Variants in NVL observed in about 807,000 individuals in gnomAD.
NVL encodes nuclear valosin-containing protein-like.
NVL carries 84 observed loss-of-function variants against 110.2 expected under a neutral mutation model. The observed-to-expected ratio is 0.76, with a 90% confidence interval of 0.64 to 0.91. The LOEUF (loss-of-function observed/expected upper bound fraction) is 0.91. NVL is among the 40% of genes least tolerant of loss of function. The pLI, the probability that NVL is intolerant of heterozygous loss-of-function variation, is 0.00. For missense variants in NVL, 882 were observed against 1,035.9 expected (o/e 0.85, Z 2.04); for synonymous variants, 354 against 361.1 (o/e 0.98, Z 0.22).
At chr1:224,312,848 G>GA (rs971719963) in intron 4 of NVL, 35 of 113,506 alleles carry the variant, frequency 3.1e-4, no homozygotes, top group East Asian at 2.4e-3. Context: ...ATTTAAATAA[G>GA]AAAAAAAAAA....
intron 17 of NVL, among the ~76,000 whole-genome samples, chr1:224,270,709 AAGAC>A (rs1223220544): frequency 6.6e-6 from 1 of 152,218 alleles, no homozygotes; most frequent in Non-Finnish European, 1.5e-5. Flanking sequence ...AAAAAAGAAA[AAGAC>A]AGCAATAGCA....
chr1:224,269,663 CTG>C (rs1664853912), intron 17 of NVL: 1 of 152,030 alleles, frequency 6.6e-6, no homozygotes, highest in East Asian at 1.9e-4. Flanking sequence ...AAAAGTGGTG[CTG>C]TGTTTTTGGT....
chr1:224,265,243 GC>G (rs1478585495), intron 18 of NVL, among the ~76,000 whole-genome samples: 1 of 152,010 alleles, frequency 6.6e-6, no homozygotes, highest in African/African-American at 2.4e-5. Context: ...AGTGGCTCAT[GC>G]CTGTAATCCC....
chr1:224,325,674 G>A (rs749221485), intron 2 of NVL, among the ~76,000 whole-genome samples: 7 of 151,728 alleles, frequency 4.6e-5, no homozygotes, highest in African/African-American at 1.7e-4. Context: ...CGGAGGTTGC[G>A]GTGAGCTGAG....
rs530312449 is a variant in NVL, at chr1:224,295,865, C to T, written c.1180+636G>A. ...CCTGTAATCCCAGCTACTCAGGAGG[C>T]TGAGGAGGTGAATAGGTTGAACGCA... On this transcript the variant is annotated intron_variant, in intron 11 of 22. Transcript: ENST00000281701. Among the ~76,000 whole-genome samples the T allele has an allele frequency of 1.2e-4, 17 of 147,084 alleles. No individual in the cohort carries two copies. In the South Asian group the frequency reaches 3.7e-3, roughly 32 times the overall value.
At chr1:224,267,518 T>C (rs1664608620) in intron 18 of NVL, among the ~76,000 whole-genome samples, 1 of 151,656 alleles carries the variant, frequency 6.6e-6, no homozygotes, top group African/African-American at 2.4e-5. Context: ...CGAAACCCCA[T>C]CTCTACTAAA....
At chr1:224,296,761 G>C in intron 10 of NVL, 143 bp from the exon 11 acceptor site, 1 of 539,880 alleles carries the variant, frequency 1.9e-6, no homozygotes, top group Non-Finnish European at 3.2e-6. Flanking sequence ...CAGTTCACAT[G>C]TGTTACTTCT....
intron 8 of NVL, among the ~76,000 whole-genome samples, chr1:224,304,145 G>C (rs1038293997): frequency 3.9e-5 from 6 of 152,116 alleles, no homozygotes; most frequent in Non-Finnish European, 8.8e-5. Flanking sequence ...TTACCATTAC[G>C]GCCAGGCATG....
In NVL at chr1:224,322,376, G is replaced by T. The variant is rs544249978; in HGVS notation, c.131+4015C>A. ...TGAAATTACAGGTGTGAGCCACTGT[G>T]CCCTGGCCTTAGACCACTCATTAAA... is the stretch of plus-strand genomic sequence containing the variant. On this transcript the variant is annotated intron_variant, in intron 2 of 22. Transcript: ENST00000281701. Among the ~76,000 whole-genome samples the T allele has an allele frequency of 7.2e-5, 11 of 151,798 alleles. No individual in the cohort carries two copies. The East Asian group carries it at 1.7e-3, about 24-fold the overall frequency.
At chr1:224,311,355 C>A (rs983478692) in intron 5 of NVL, among the ~76,000 whole-genome samples, 1 of 151,072 alleles carries the variant, frequency 6.6e-6, no homozygotes, top group African/African-American at 2.4e-5. Flanking sequence ...GCCACGACAG[C>A]TAGCCTTATT....
chr1:224,267,807 T>C (rs528179442), intron 18 of NVL, among the ~76,000 whole-genome samples: 33 of 152,260 alleles, frequency 2.2e-4, no homozygotes, highest in Non-Finnish European at 4.4e-4. Context: ...CTTTTTACTA[T>C]AGCTTATGCA....
intron 4 of NVL, chr1:224,312,886 T>G (rs1315691588): frequency 6.6e-6 from 1 of 150,980 alleles, no homozygotes; most frequent in East Asian, 1.9e-4. Flanking sequence ...AATAATTTTT[T>G]TTTTTTTTTA....
chr1:224,307,020 T>C (rs1400699328), intron 6 of NVL, among the ~76,000 whole-genome samples: 1 of 152,100 alleles, frequency 6.6e-6, no homozygotes, highest in African/African-American at 2.4e-5. Context: ...AGCATCATTG[T>C]CCATGAGGAA....
chr1:224,265,703 G>A (rs1664437940), intron 18 of NVL, among the ~76,000 whole-genome samples: 3 of 152,146 alleles, frequency 2.0e-5, no homozygotes, highest in South Asian at 2.1e-4. Context: ...ATTAGGTCAT[G>A]AGGGCTCTGC....
At chr1:224,309,100 A>G (rs1051202486) in intron 5 of NVL, among the ~76,000 whole-genome samples, 3 of 150,920 alleles carry the variant, frequency 2.0e-5, no homozygotes, top group Non-Finnish European at 3.0e-5. Context: ...CTCCATTCCA[A>G]TGGAAACCAA....
chr1:224,237,415 C>T (rs1660607042), intron 19 of NVL, among the ~76,000 whole-genome samples: 1 of 152,164 alleles, frequency 6.6e-6, no homozygotes. Flanking sequence ...CATTTCAAGA[C>T]ACATTAGCAA....
chr1:224,257,251 G>T (rs1663383042), intron 18 of NVL: 1 of 406,856 alleles, frequency 2.5e-6, no homozygotes, highest in South Asian at 2.1e-5. Context: ...CCTTTCATCT[G>T]TTGATAAGCA....
At chr1:224,285,410 G>A (rs561336932) in intron 15 of NVL, among the ~76,000 whole-genome samples, 1 of 152,192 alleles carries the variant, frequency 6.6e-6, no homozygotes, top group East Asian at 1.9e-4. Flanking sequence ...ACTCCAGCCT[G>A]GGCGACAGAA....
intron 19 of NVL, among the ~76,000 whole-genome samples, chr1:224,246,122 C>T (rs898879394): frequency 2.0e-5 from 3 of 152,150 alleles, no homozygotes; most frequent in African/African-American, 7.2e-5. Context: ...CTCTGCCTCC[C>T]GGGTTCAAGC....
Sources: allele counts gnomAD v4.1 joint callset (sites outside exome capture counted in the v4.1 genomes callset), GRCh38; gene constraint gnomAD v4.1.1; transcripts MANE v1.5; gene names NCBI Gene and HGNC (gene_info 2026-07-23, HGNC 2026-07-21).